The following SHQ1 variants were observed in gnomAD, a reference collection of about 807,000 sequenced individuals.
SHQ1 encodes the protein protein SHQ1 homolog.
In SHQ1, 49 loss-of-function variants were observed where a neutral mutation model predicts 53.8. The observed-to-expected ratio is 0.91, with a 90% CI of 0.72 to 1.16. The LOEUF is 1.16. Among genes scored for constraint, SHQ1 ranks in the 50% most tolerant of loss-of-function variants. The probability of loss-of-function intolerance (pLI) is 0.00; values close to 1 mark genes in which losing one functional copy is unlikely to be tolerated. For missense variants in SHQ1, 738 were observed against 683.1 expected, an observed-to-expected ratio of 1.08 and a Z score of -0.90; for synonymous variants, 243 against 251.0, an observed-to-expected ratio of 0.97 and a Z score of 0.30.
At chr3:72,765,562 T>A (rs1200401769) in intron 10 of SHQ1, among the ~76,000 whole-genome samples, 96 of 133,062 alleles carry the variant, frequency 7.2e-4, no homozygotes, top group African/African-American at 2.6e-3. Flanking sequence ...TATATATTTT[T>A]TTTTTTTTTT....
rs1461329272 is a variant in SHQ1 at position 72,831,182 on chromosome 3, C to A, written c.599+1187G>T. Among the ~76,000 whole-genome samples the A allele has an allele frequency of 2.0e-5, 3 of 152,214 alleles. No individual in the cohort carries two copies. The East Asian group carries it at 5.8e-4, about 29-fold the overall frequency. On this transcript the variant is annotated intron_variant, in intron 5 of 10. Coordinates refer to ENST00000325599, the MANE Select transcript of SHQ1 (RefSeq NM_018130.3). ...CTCTCAGATGTCCTCCAAAATGTAA[C>A]ATACCCTGCTCTTACCCAGTTTCCC...
chr3:72,829,916 G>T (rs1707774560), intron 5 of SHQ1, among the ~76,000 whole-genome samples: 1 of 152,132 alleles, frequency 6.6e-6, no homozygotes, highest in South Asian at 2.1e-4. Context: ...CTCAGCAAGA[G>T]AAGTATGAAT....
chr3:72,793,504 C>T (rs575358051), intron 9 of SHQ1: 1 of 139,974 alleles, frequency 7.1e-6, no homozygotes, highest in African/African-American at 2.7e-5. Flanking sequence ...AAGACTCCAT[C>T]TCGAAAAAAA....
intron 7 of SHQ1, 46 bp downstream of exon 7, chr3:72,817,184 C>T (rs1707343140): frequency 4.4e-6 from 7 of 1,576,494 alleles, no homozygotes; most frequent in African/African-American, 1.4e-5. Context: ...ATGCAGTTTA[C>T]TCAGCACAGT....
At chr3:72,830,872 A>C (rs567832935) in intron 5 of SHQ1, among the ~76,000 whole-genome samples, 17 of 152,328 alleles carry the variant, frequency 1.1e-4, no homozygotes, top group Admixed American at 4.6e-4. Flanking sequence ...GCTAACTATA[A>C]ATTCCAATTT....
intron 4 of SHQ1, among the ~76,000 whole-genome samples, chr3:72,838,826 T>C (rs1233890858): frequency 1.3e-5 from 2 of 151,934 alleles, no homozygotes; most frequent in African/African-American, 4.8e-5. Context: ...CAGAGGGATG[T>C]AAACAAAAAG....
chr3:72,834,033 G>A (rs1400187479), intron 4 of SHQ1, among the ~76,000 whole-genome samples: 1 of 152,236 alleles, frequency 6.6e-6, no homozygotes, highest in Admixed American at 6.5e-5. Context: ...GTTGATGGCT[G>A]TAATGCAAAA....
intron 6 of SHQ1, 134 bp from the exon 7 acceptor site, chr3:72,817,518 A>T: frequency 1.2e-6 from 1 of 804,926 alleles, no homozygotes; most frequent in South Asian, 1.9e-5. Context: ...ATGGATATAT[A>T]AATAACTTAA....
At chr3:72,828,694 CAAAA>C (rs950576614) in intron 5 of SHQ1, among the ~76,000 whole-genome samples, 1 of 150,512 alleles carries the variant, frequency 6.6e-6, no homozygotes, top group Non-Finnish European at 1.5e-5. Flanking sequence ...GACTCTGTCT[CAAAA>C]AAAAGAGAGA....
chr3:72,752,863 C>T, intron 10 of SHQ1: 2 of 422,780 alleles, frequency 4.7e-6, no homozygotes, highest in Non-Finnish European at 6.3e-6. Flanking sequence ...TGAGGTTTCA[C>T]CATGTTGGCC....
At chr3:72,769,660 G>T (rs1243842291) in intron 10 of SHQ1, among the ~76,000 whole-genome samples, 1 of 152,150 alleles carries the variant, frequency 6.6e-6, no homozygotes, top group African/African-American at 2.4e-5. Context: ...CCTCTTCTTT[G>T]AATCACTATG....
At chr3:72,754,068 TTTAC>T (rs754812795) in intron 10 of SHQ1, among the ~76,000 whole-genome samples, 22 of 152,336 alleles carry the variant, frequency 1.4e-4, no homozygotes, top group Non-Finnish European at 3.1e-4. Flanking sequence ...AAGCTTTTAC[TTTAC>T]TGACTATATA....
intron 4 of SHQ1, among the ~76,000 whole-genome samples, chr3:72,833,540 G>C (rs565939202): frequency 1.3e-5 from 1 of 78,982 alleles, no homozygotes; most frequent in South Asian, 2.7e-4. Context: ...TAGACAGATA[G>C]ATAGATAGAT....
At chr3:72,742,214 AC>A in the SHQ1 span, among the ~76,000 whole-genome samples, 31,270 of 149,048 alleles carry the variant, frequency 0.21, 3,458 homozygotes, top group Non-Finnish European at 0.25. Context: ...AAAAAAAAAA[AC>A]GTAAAAAATA....
intron 10 of SHQ1, among the ~76,000 whole-genome samples, chr3:72,788,512 C>T (rs1010545559): frequency 1.3e-5 from 2 of 152,136 alleles, no homozygotes; most frequent in Non-Finnish European, 2.9e-5. Flanking sequence ...GGGGGCGCCT[C>T]TGCCCTGCCG....
chr3:72,768,381 GAAAT>G (rs1201740962), intron 10 of SHQ1, among the ~76,000 whole-genome samples: 1 of 152,174 alleles, frequency 6.6e-6, no homozygotes, highest in African/African-American at 2.4e-5. Flanking sequence ...AGAAGAAAGG[GAAAT>G]AAATAAATAA....
intron 4 of SHQ1, among the ~76,000 whole-genome samples, chr3:72,836,521 T>C (rs932042352): frequency 6.6e-6 from 1 of 152,082 alleles, no homozygotes; most frequent in African/African-American, 2.4e-5. Flanking sequence ...CTTTTTCCTC[T>C]TTCCTCTTCC....
intron 10 of SHQ1, chr3:72,773,532 C>T: frequency 4.4e-6 from 1 of 227,038 alleles, no homozygotes; most frequent in Non-Finnish European, 8.8e-6. Flanking sequence ...CAGCCATATC[C>T]AAAATGGCAT....
intron 5 of SHQ1, among the ~76,000 whole-genome samples, chr3:72,829,490 A>G (rs1321948500): frequency 1.3e-5 from 2 of 152,200 alleles, no homozygotes; most frequent in African/African-American, 4.8e-5. Flanking sequence ...ATTCAGACAA[A>G]TATTTGTTGA....
Sources: allele counts gnomAD v4.1 joint callset (sites outside exome capture counted in the v4.1 genomes callset), GRCh38; gene constraint gnomAD v4.1.1; transcripts MANE v1.5; gene names NCBI Gene and HGNC (gene_info 2026-07-23, HGNC 2026-07-21).